Variants in RGS7 observed in about 807,000 individuals in gnomAD.
RGS7 encodes regulator of G protein signaling 7.
Under a neutral mutation model 81.1 loss-of-function variants are expected in RGS7, and 27 were observed. That is an observed-to-expected ratio of 0.33 (90% CI 0.25 to 0.46). The LOEUF (loss-of-function observed/expected upper bound fraction) is 0.46. Among genes scored for constraint, RGS7 ranks in the 20% least tolerant of loss-of-function variants. The pLI is 1.00. For missense variants in RGS7, 396 were observed against 607.4 expected (o/e 0.65, Z 3.66); for synonymous variants, 208 against 207.7 (o/e 1.00, Z -0.01).
At chr1:240,981,384 A>G (rs927426282) in intron 4 of RGS7, among the ~76,000 whole-genome samples, 4 of 152,170 alleles carry the variant, frequency 2.6e-5, no homozygotes, top group African/African-American at 7.2e-5. Flanking sequence ...TGCTGGGATT[A>G]TAGGCATGAG....
chr1:240,817,513 A>G (rs1691017571), intron 10 of RGS7, among the ~76,000 whole-genome samples: 1 of 152,154 alleles, frequency 6.6e-6, no homozygotes, highest in African/African-American at 2.4e-5. Context: ...AAATCCACTT[A>G]ACACTACGTC....
intron 18 of RGS7, among the ~76,000 whole-genome samples, chr1:240,777,066 G>GGCAGATCACCTGAGGTCAGGA (rs1683066919): frequency 3.3e-5 from 5 of 152,258 alleles, no homozygotes; most frequent in African/African-American, 1.2e-4. Flanking sequence ...AGGCTGAGGT[G>GGCAGATCACCTGAGGTCAGGA]GGCAGATCAC....
intron 2 of RGS7, among the ~76,000 whole-genome samples, chr1:241,178,286 T>C (rs906490970): frequency 1.1e-4 from 16 of 152,052 alleles, no homozygotes; most frequent in African/African-American, 3.9e-4. Context: ...AGCAAGACCC[T>C]GTCTCTAAAA....
At chr1:241,082,061 T>C (rs1364513405) in intron 3 of RGS7, among the ~76,000 whole-genome samples, 1 of 152,194 alleles carries the variant, frequency 6.6e-6, no homozygotes, top group Admixed American at 6.5e-5. Context: ...TGGAAAGAAT[T>C]TTCCCTTTAT....
intron 4 of RGS7, among the ~76,000 whole-genome samples, chr1:240,970,386 G>C (rs1227873388): frequency 1.3e-5 from 2 of 152,172 alleles, no homozygotes; most frequent in African/African-American, 4.8e-5. Flanking sequence ...AGAGCAATTG[G>C]ATAATTATAC....
intron 2 of RGS7, among the ~76,000 whole-genome samples, chr1:241,260,979 G>A (rs867127776): frequency 4.0e-5 from 6 of 150,914 alleles, no homozygotes; most frequent in African/African-American, 1.2e-4. Flanking sequence ...GCTAGATGAC[G>A]AGTTAGTGGG....
intron 4 of RGS7, among the ~76,000 whole-genome samples, chr1:240,968,281 AT>A (rs1409401667): frequency 6.6e-6 from 1 of 152,238 alleles, no homozygotes; most frequent in Non-Finnish European, 1.5e-5. Flanking sequence ...TCCTACGGGC[AT>A]TCAGTAGAAG....
intron 18 of RGS7, among the ~76,000 whole-genome samples, chr1:240,784,187 CG>C (rs933820777): frequency 2.7e-5 from 4 of 147,246 alleles, no homozygotes; most frequent in African/African-American, 1.0e-4. Context: ...AACTCTGTCT[CG>C]AAAAAAAAAC....
intron 3 of RGS7, among the ~76,000 whole-genome samples, chr1:241,029,365 C>T (rs2059954893): frequency 6.6e-6 from 1 of 152,072 alleles, no homozygotes; most frequent in Non-Finnish European, 1.5e-5. Context: ...TTAAACATAA[C>T]CCCTCGAAAT....
chr1:240,976,868 C>T (rs1684164773), intron 4 of RGS7, among the ~76,000 whole-genome samples: 1 of 150,728 alleles, frequency 6.6e-6, no homozygotes, highest in African/African-American at 2.5e-5. Context: ...TACCATCCAT[C>T]ATCTATCTGT....
chr1:241,172,167 G>A (rs2070781008), intron 2 of RGS7, among the ~76,000 whole-genome samples: 1 of 152,128 alleles, frequency 6.6e-6, no homozygotes, highest in Non-Finnish European at 1.5e-5. Context: ...GTCATTCTGT[G>A]TTGTCAAGGC....
intron 2 of RGS7, among the ~76,000 whole-genome samples, chr1:241,255,144 C>T (rs2077003049): frequency 1.3e-5 from 2 of 152,126 alleles, no homozygotes; most frequent in Admixed American, 6.6e-5. Flanking sequence ...TACTAGTGGG[C>T]AACTATTGTT....
At chr1:240,912,981 C>G (rs1362044733) in intron 6 of RGS7, among the ~76,000 whole-genome samples, 1 of 152,076 alleles carries the variant, frequency 6.6e-6, no homozygotes, top group East Asian at 1.9e-4. Flanking sequence ...AACTGGAAAA[C>G]CAGTAGCACA....
chr1:241,134,369 A>G (rs111349425), intron 2 of RGS7, among the ~76,000 whole-genome samples: 4,092 of 152,340 alleles, frequency 0.027, 177 homozygotes, highest in African/African-American at 0.092. Flanking sequence ...TGGGACTTCT[A>G]CTAGACTATT....
chr1:241,177,448 C>G (rs6656671), intron 2 of RGS7, among the ~76,000 whole-genome samples: 33,454 of 151,884 alleles, frequency 0.22, 4,058 homozygotes, highest in African/African-American at 0.32. Context: ...GTAAAGGGGG[C>G]CCCACTGGCC....
intron 3 of RGS7, among the ~76,000 whole-genome samples, chr1:241,092,110 T>G (rs1293283212): frequency 6.6e-6 from 1 of 152,174 alleles, no homozygotes; most frequent in Non-Finnish European, 1.5e-5. Context: ...ATTATTATAC[T>G]GTAATGTATT....
chr1:241,106,888 C>T (rs113365568), intron 2 of RGS7, among the ~76,000 whole-genome samples: 20,624 of 146,816 alleles, frequency 0.14, 1,713 homozygotes, highest in African/African-American at 0.24. Flanking sequence ...AATTTATAGA[C>T]GTTTCTGCTT....
At chr1:240,921,489 T>G (rs1421045454) in intron 6 of RGS7, among the ~76,000 whole-genome samples, 1 of 152,116 alleles carries the variant, frequency 6.6e-6, no homozygotes, top group Non-Finnish European at 1.5e-5. Flanking sequence ...GAAATAAATC[T>G]TTGTTCAGGA....
At chr1:240,968,549 T>TAA (rs10699651) in intron 4 of RGS7, among the ~76,000 whole-genome samples, 1,882 of 148,858 alleles carry the variant, frequency 0.013, 44 homozygotes, top group African/African-American at 0.042. Flanking sequence ...ACTGCAAAAT[T>TAA]AAAAAAAAAA....
Sources: allele counts gnomAD v4.1 joint callset (sites outside exome capture counted in the v4.1 genomes callset), GRCh38; gene constraint gnomAD v4.1.1; transcripts MANE v1.5; gene names NCBI Gene and HGNC (gene_info 2026-07-23, HGNC 2026-07-21).